Variants in KIRREL3 observed in about 807,000 individuals in gnomAD.
The protein encoded by KIRREL3 is kirre like nephrin family adhesion molecule 3, also known as kin of IRRE-like protein 3.
In KIRREL3, 36 loss-of-function variants were observed where a neutral mutation model predicts 89.7. The ratio of observed to expected loss-of-function variants is 0.40; its 90% confidence interval spans 0.31 to 0.53. The LOEUF is 0.53. Ranked by LOEUF, KIRREL3 falls within the 20% of genes least tolerant of loss-of-function variation. KIRREL3 has a pLI of 0.49. For synonymous variants in KIRREL3, 445 were observed against 441.4 expected (o/e 1.01, Z -0.10); for missense variants, 864 against 1,056.6 (o/e 0.82, Z 2.53).
intron 1 of KIRREL3, among the ~76,000 whole-genome samples, chr11:126,916,442 C>T (rs1403284269): frequency 1.3e-5 from 2 of 152,134 alleles, no homozygotes; most frequent in Non-Finnish European, 2.9e-5. Flanking sequence ...GTACTGCCGG[C>T]CCTGGGACCA....
chr11:126,509,278 T>C (rs1958123264), intron 4 of KIRREL3, among the ~76,000 whole-genome samples: 1 of 152,212 alleles, frequency 6.6e-6, no homozygotes, highest in Admixed American at 6.5e-5. Context: ...ATTCTCACCT[T>C]GCTCTTTCAC....
chr11:126,684,480 G>A lies in KIRREL3; in HGVS notation c.56-121568C>T, dbSNP rs552801472. 3.9e-5 allele frequency among the ~76,000 whole-genome samples: 6 copies of A among 152,280 alleles called. No homozygotes were observed. The highest frequency in any genetic ancestry group is 7.2e-5 in the African/African-American group (3 of 41,572). The stretch of plus-strand genomic sequence containing the variant: ...TCCACAAAGCCTCAGGGCTCTGAGG[G>A]TGTTAGGGAAACCACAGGTGTCCAC... On this transcript the variant is annotated intron_variant, in intron 1 of 16. Transcript: ENST00000525144. The surrounding 1 kb of genome is among the most constrained non-coding windows in gnomAD (Gnocchi z 4.2).
chr11:127,003,281 T>A (rs1229962194), upstream of KIRREL3: 5 of 152,288 alleles, frequency 3.3e-5, no homozygotes, highest in Non-Finnish European at 7.3e-5. Flanking sequence ...CCGGTCGGGC[T>A]CTGGCGCCAG....
chr11:126,585,807 T>G (rs1941812411), intron 1 of KIRREL3, among the ~76,000 whole-genome samples: 1 of 152,206 alleles, frequency 6.6e-6, no homozygotes, highest in Non-Finnish European at 1.5e-5. Context: ...AGGTACTCCA[T>G]CAATGTAAAC....
Position 126,977,290 on chromosome 11 carries a change from G to A in KIRREL3, c.55+23165C>T, listed in dbSNP as rs527985075. On this transcript the variant is annotated intron_variant, in intron 1 of 16. Coordinates refer to ENST00000525144, the MANE Select transcript of KIRREL3 (RefSeq NM_032531.4). This position sits in a 1 kb window ranked among gnomAD's most constrained non-coding sequence, Gnocchi z 4.7. ...CTGCGCAGTCAGGTTGGTTTCTTCG[G>A]ATGCTGCCGCCCTTTCCTTCTTCAT... Among the ~76,000 whole-genome samples, 41 of 152,126 alleles carry A rather than the reference G, an allele frequency of 2.7e-4. No homozygotes were observed. Among genetic ancestry groups the A allele is most frequent in the Admixed American group, 1.2e-3 (18 of 15,284 alleles).
chr11:126,663,074 A>T (rs1945489397), intron 1 of KIRREL3, among the ~76,000 whole-genome samples: 1 of 151,898 alleles, frequency 6.6e-6, no homozygotes, highest in South Asian at 2.1e-4. Flanking sequence ...GGGAAGAACC[A>T]GCAAGAAGAG....
At chr11:126,447,234 C>T (rs144890520) in intron 8 of KIRREL3, among the ~76,000 whole-genome samples, 2 of 152,304 alleles carry the variant, frequency 1.3e-5, no homozygotes, top group Non-Finnish European at 2.9e-5. Flanking sequence ...GGATCACGCC[C>T]GGTGCTAGAA....
chr11:126,928,829 G>A (rs59587531), intron 1 of KIRREL3, among the ~76,000 whole-genome samples: 11,019 of 152,202 alleles, frequency 0.072, 488 homozygotes, highest in Middle Eastern at 0.13. Flanking sequence ...AGTTTGTGGC[G>A]CTTATGAGCT....
chr11:126,682,471 C>T lies in KIRREL3; in HGVS notation c.56-119559G>A, dbSNP rs550959496. Among the ~76,000 whole-genome samples the T allele has an allele frequency of 6.6e-6, 1 of 152,224 alleles. No individual in the cohort carries two copies. The highest frequency in any genetic ancestry group is 2.1e-4 in the South Asian group (1 of 4,816). ...CAATATTTGTTTTTTCCTGCCACTC[C>T]TTTACCAGGCTTTTTTTCACCTCAA... On this transcript the variant is annotated intron_variant, in intron 1 of 16. Coordinates refer to ENST00000525144, the MANE Select transcript of KIRREL3 (RefSeq NM_032531.4). This position sits in a 1 kb window ranked among gnomAD's most constrained non-coding sequence, Gnocchi z 4.8.
intron 1 of KIRREL3, among the ~76,000 whole-genome samples, chr11:126,698,536 G>A (rs756898344): frequency 3.8e-4 from 58 of 152,170 alleles, no homozygotes; most frequent in Admixed American, 2.0e-3. Context: ...CAGAGACACC[G>A]GCCCGTGCAT....
rs1565622226 is a variant in KIRREL3 at position 126,653,448 on chromosome 11, A to G, written c.56-90536T>C. On this transcript the variant is annotated intron_variant, in intron 1 of 16. Transcript: ENST00000525144. This position sits in a 1 kb window ranked among gnomAD's most constrained non-coding sequence, Gnocchi z 5.4. ...ACCGTCTTTGCTGTAAGATGGAGAT[A>G]ATGATACCTCATGGGGTTGTCATGA... Among the ~76,000 whole-genome samples the G allele has an allele frequency of 6.6e-6, 1 of 152,336 alleles. No individual in the cohort carries two copies. The highest frequency in any genetic ancestry group is 1.9e-4 in the East Asian group (1 of 5,180).
At chr11:126,920,215 A>G (rs983446481) in intron 1 of KIRREL3, 2 of 152,372 alleles carry the variant, frequency 1.3e-5, no homozygotes, top group African/African-American at 4.8e-5. Flanking sequence ...TCCATATATT[A>G]TTGCTCTTGC....
At chr11:126,751,796 A>G (rs1007776827) in intron 1 of KIRREL3, among the ~76,000 whole-genome samples, 1 of 152,172 alleles carries the variant, frequency 6.6e-6, no homozygotes, top group African/African-American at 2.4e-5. Flanking sequence ...GATAGTCCAT[A>G]CCCCAAAATT....
intron 1 of KIRREL3, among the ~76,000 whole-genome samples, chr11:126,979,051 C>T (rs537069822): frequency 3.3e-4 from 51 of 152,266 alleles, no homozygotes; most frequent in Non-Finnish European, 5.6e-4. Flanking sequence ...CAGTGAAAAG[C>T]GCAAACTCTC....
intron 1 of KIRREL3, among the ~76,000 whole-genome samples, chr11:126,799,737 C>T (rs1950972001): frequency 6.6e-6 from 1 of 152,086 alleles, no homozygotes; most frequent in Non-Finnish European, 1.5e-5. Context: ...TCCCTGGAAA[C>T]CCCTCTGCCC....
At position 126,511,589 on chromosome 11, in the gene KIRREL3, G is replaced by T. The variant is rs113882535; in HGVS notation, c.433+9726C>A. 3.6e-3 allele frequency among the ~76,000 whole-genome samples: 554 copies of T among 152,232 alleles called. 5 individuals are homozygous for T. Among genetic ancestry groups the T allele is most frequent in the African/African-American group, 0.013 (535 of 41,546 alleles). ...CTTCTGTGGTGTCCTATCCTGCCCC[G>T]AAACAGTGGGGGCTCCCTTAGGCTC... On this transcript the variant is annotated intron_variant, in intron 4 of 16. Transcript: ENST00000525144.
rs547655912 is a variant in KIRREL3, at chr11:126,646,505, C to T, written c.56-83593G>A. Among the ~76,000 whole-genome samples, 18 of 132,768 alleles carry T rather than the reference C, an allele frequency of 1.4e-4. No homozygotes were observed. In the East Asian group the frequency reaches 2.9e-3, roughly 22 times the overall value. The allele number at this position is 132,768 out of a possible 152,430, so 87.1% of individuals were successfully genotyped here. On this transcript the variant is annotated intron_variant, in intron 1 of 16. Coordinates refer to ENST00000525144, the MANE Select transcript of KIRREL3 (RefSeq NM_032531.4). Reference sequence around the variant, plus strand: ...TTTTTTTTTTTTTGAGACAGAGTCTCGTTCTGTTGCTCAGGCTGGAGTGCA... The same window carrying T: ...TTTTTTTTTTTTTGAGACAGAGTCTTGTTCTGTTGCTCAGGCTGGAGTGCA...
rs1166595165 is a variant in KIRREL3, at chr11:126,609,530, G to A, written c.56-46618C>T. Among the ~76,000 whole-genome samples the A allele has an allele frequency of 6.6e-6, 1 of 152,190 alleles. No individual in the cohort carries two copies. The highest frequency in any genetic ancestry group is 1.5e-5 in the Non-Finnish European group (1 of 68,030). On this transcript the variant is annotated intron_variant, in intron 1 of 16. Coordinates refer to ENST00000525144, the MANE Select transcript of KIRREL3 (RefSeq NM_032531.4). This position sits in a 1 kb window ranked among gnomAD's most constrained non-coding sequence, Gnocchi z 5.0. ...GTTAAGTGGGTGGGGGACCTGCTGG[G>A]AGAGAGGGGCAGGGGAATGTGCCTG... is the stretch of plus-strand genomic sequence containing the variant.
intron 1 of KIRREL3, among the ~76,000 whole-genome samples, chr11:126,698,408 C>A (rs1256216410): frequency 6.6e-6 from 1 of 152,202 alleles, no homozygotes; most frequent in Admixed American, 6.5e-5. Context: ...ATTATGAAGT[C>A]CAAAGGAGGC....
Sources: gnomAD v4.1 joint callset for allele counts (sites outside exome capture counted in the v4.1 genomes callset) on GRCh38, gnomAD v4.1.1 for gene constraint, Gnocchi (gnomAD v3.1) non-coding constraint, MANE v1.5 for transcripts, NCBI Gene and HGNC (gene_info 2026-07-23, HGNC 2026-07-21) for gene names.